The following LBH variants were observed in gnomAD, a reference collection of about 807,000 sequenced individuals.
LBH encodes protein LBH.
A neutral mutation model predicts 12.5 loss-of-function variants in LBH; 7 were observed. That is an observed-to-expected ratio of 0.56 (90% CI 0.32 to 1.05). The LOEUF (loss-of-function observed/expected upper bound fraction) is 1.05, where lower values mean the gene tolerates loss of function less well. LBH is among the 50% of genes least tolerant of loss of function. The pLI, the probability that LBH is intolerant of heterozygous loss-of-function variation, is 0.04. For missense variants in LBH, 119 were observed against 138.9 expected (o/e 0.86, Z 0.72); for synonymous variants, 51 against 50.1 (o/e 1.02, Z -0.08).
intron 2 of LBH, among the ~76,000 whole-genome samples, chr2:30,241,870 AC>A (rs1482765266): frequency 6.6e-6 from 1 of 152,194 alleles, no homozygotes; most frequent in African/African-American, 2.4e-5. Context: ...CTGTGCACTT[AC>A]GTTTTTATGT....
At chr2:30,239,079 C>T (rs1402059472) in intron 2 of LBH, among the ~76,000 whole-genome samples, 4 of 151,880 alleles carry the variant, frequency 2.6e-5, no homozygotes, top group African/African-American at 9.7e-5. Flanking sequence ...TTAGTAGAGA[C>T]GGGGTCTCTC....
rs777215468 is a variant in LBH, at chr2:30,257,600, G to GA, written c.300dup (p.Glu101ArgfsTer3). The GA allele has an allele frequency of 6.8e-6, 11 of 1,612,782 alleles. No homozygotes were observed. Among genetic ancestry groups the GA allele is most frequent in the Non-Finnish European group, 7.6e-6 (9 of 1,179,442 alleles). On this transcript the variant is annotated frameshift_variant, in exon 3 of 3. Coordinates refer to ENST00000395323, the MANE Select transcript of LBH (RefSeq NM_030915.4). LOFTEE classifies it high-confidence loss of function. ...AGCAAGATAACTGCGAAGAGACAGCGAAAGAAAATAAAGAGCAGTAGAGTC... is the reference window on the plus strand; with the variant it reads ...AGCAAGATAACTGCGAAGAGACAGCGAAAAGAAAATAAAGAGCAGTAGAGTC...
At chr2:30,232,860 G>T (rs1677618122) in intron 1 of LBH, 1 of 152,410 alleles carries the variant, frequency 6.6e-6, no homozygotes, top group African/African-American at 2.4e-5. Flanking sequence ...GCCTTTGCAG[G>T]GCCCAGCTCC....
chr2:30,238,722 A>G (rs1206531645), intron 2 of LBH, among the ~76,000 whole-genome samples: 5 of 151,974 alleles, frequency 3.3e-5, no homozygotes, highest in Non-Finnish European at 7.4e-5. Flanking sequence ...CAGCCTTAGT[A>G]TTTGCCTCGT....
chr2:30,256,438 T>G (rs1678086746), intron 2 of LBH: 1 of 152,340 alleles, frequency 6.6e-6, no homozygotes, highest in East Asian at 1.9e-4. Context: ...GCTTTGACTT[T>G]ACAGTTGCAA....
At chr2:30,231,879 G>T (rs1677591671) in intron 1 of LBH, 115 bp downstream of exon 1, 6 of 852,184 alleles carry the variant, frequency 7.0e-6, no homozygotes, top group Non-Finnish European at 9.4e-6. Context: ...GGCGCTCAGC[G>T]CTAACCCGCC....
chr2:30,257,352 C>T, intron 2 of LBH, 81 bp from the exon 3 acceptor site: 1 of 1,500,940 alleles, frequency 6.7e-7, no homozygotes, highest in Non-Finnish European at 9.2e-7. Flanking sequence ...CCCAGTATGC[C>T]ACATGGATGT....
At chr2:30,239,925 C>T (rs905034140) in intron 2 of LBH, among the ~76,000 whole-genome samples, 2 of 152,180 alleles carry the variant, frequency 1.3e-5, no homozygotes, top group Non-Finnish European at 2.9e-5. Flanking sequence ...CCATAAGCCC[C>T]CTGGTCACAA....
intron 2 of LBH, among the ~76,000 whole-genome samples, chr2:30,243,702 G>T (rs1677826809): frequency 6.6e-6 from 1 of 151,870 alleles, no homozygotes; most frequent in African/African-American, 2.4e-5. Flanking sequence ...GCTAGTTTTT[G>T]CATTTTTAGT....
At chr2:30,251,407 C>G (rs1344565481) in intron 2 of LBH, among the ~76,000 whole-genome samples, 1 of 152,024 alleles carries the variant, frequency 6.6e-6, no homozygotes, top group East Asian at 1.9e-4. Context: ...CTCCCTTGAC[C>G]TTTCAAGTGA....
intron 2 of LBH, 73 bp from the exon 3 acceptor site, chr2:30,257,360 T>C: frequency 1.3e-6 from 2 of 1,529,618 alleles, no homozygotes; most frequent in South Asian, 1.1e-5. Context: ...GCCACATGGA[T>C]GTGCAAAGAA....
chr2:30,240,974 G>A lies in LBH; in HGVS notation c.129+6467G>A, dbSNP rs939381281. ...CTAAATTTTAGTACAGATACAGTTGGTGTCTAAGCCTGACTTTCTCTTGAT... is the reference window on the plus strand; with the variant it reads ...CTAAATTTTAGTACAGATACAGTTGATGTCTAAGCCTGACTTTCTCTTGAT... On this transcript the variant is annotated intron_variant, in intron 2 of 2. Coordinates refer to ENST00000395323, the MANE Select transcript of LBH (RefSeq NM_030915.4). Among the ~76,000 whole-genome samples, 6 of 152,360 alleles carry A rather than the reference G, an allele frequency of 3.9e-5. No individual in the cohort carries two copies. In the East Asian group the frequency reaches 1.2e-3, roughly 29 times the overall value.
Position 30,232,236 on chromosome 2 carries a change from G to C in LBH, c.26+472G>C, listed in dbSNP as rs6761854. ...GGCCGCAGGGTTTGCAGAGCTCCGGGGGGGTGGGGGGCGGGAAACGCTCTC... is the reference window on the plus strand; with the variant it reads ...GGCCGCAGGGTTTGCAGAGCTCCGGCGGGGTGGGGGGCGGGAAACGCTCTC... On this transcript the variant is annotated intron_variant, in intron 1 of 2. Coordinates refer to ENST00000395323, the MANE Select transcript of LBH (RefSeq NM_030915.4). The C allele has an allele frequency of 0.012, 10,834 of 907,088 alleles. 634 individuals carry two copies. In the African/African-American group the frequency reaches 0.15, roughly 13 times the overall value. The allele number at this position is 907,088 out of a possible 1,614,324, so 56.2% of individuals were successfully genotyped here.
At chr2:30,247,841 A>T (rs867766650) in intron 2 of LBH, among the ~76,000 whole-genome samples, 6 of 152,294 alleles carry the variant, frequency 3.9e-5, no homozygotes, top group South Asian at 2.1e-4. Flanking sequence ...CGAACAATTG[A>T]TGATGCCAAG....
At chr2:30,237,653 C>G (rs1051928196) in intron 2 of LBH, among the ~76,000 whole-genome samples, 124 of 152,214 alleles carry the variant, frequency 8.1e-4, no homozygotes, top group African/African-American at 3.0e-3. Flanking sequence ...TCATGCCTAC[C>G]AAGGTTTCAG....
chr2:30,238,195 G>C (rs555453778), intron 2 of LBH, among the ~76,000 whole-genome samples: 1 of 152,278 alleles, frequency 6.6e-6, no homozygotes, highest in East Asian at 1.9e-4. Flanking sequence ...TTGCCTGTGG[G>C]CACCGACACT....
At chr2:30,244,566 A>T (rs1387114934) in intron 2 of LBH, among the ~76,000 whole-genome samples, 3 of 152,072 alleles carry the variant, frequency 2.0e-5, no homozygotes, top group Admixed American at 2.0e-4. Context: ...CCCCCTTTAC[A>T]AGAGGAGAAC....
intron 2 of LBH, among the ~76,000 whole-genome samples, chr2:30,238,079 CA>C (rs773143523): frequency 6.6e-6 from 1 of 152,194 alleles, no homozygotes; most frequent in Admixed American, 6.5e-5. Flanking sequence ...TCTTTGGCTC[CA>C]GGGACTCTAA....
At chr2:30,241,082 A>G (rs1677781318) in intron 2 of LBH, among the ~76,000 whole-genome samples, 1 of 152,224 alleles carries the variant, frequency 6.6e-6, no homozygotes, top group South Asian at 2.1e-4. Context: ...CACTTGTTCA[A>G]ACTGGATTTA....
Sources: allele counts gnomAD v4.1 joint callset (sites outside exome capture counted in the v4.1 genomes callset), GRCh38; gene constraint gnomAD v4.1.1; transcripts MANE v1.5; gene names NCBI Gene and HGNC (gene_info 2026-07-23, HGNC 2026-07-21).